MSRB3: variants seen among roughly 807,000 people sequenced by gnomAD.
MSRB3 encodes the protein methionine sulfoxide reductase B3.
A neutral mutation model predicts 21.0 loss-of-function variants in MSRB3; 13 were observed. That is an observed-to-expected ratio of 0.62 (90% confidence interval 0.40 to 0.98). The LOEUF (loss-of-function observed/expected upper bound fraction) is 0.98, where lower values mean the gene tolerates loss of function less well. Among genes scored for constraint, MSRB3 ranks in the 50% least tolerant of loss-of-function variants. The probability of loss-of-function intolerance (pLI) is 0.00; values close to 1 mark genes in which losing one functional copy is unlikely to be tolerated. For missense variants in MSRB3, 199 were observed against 230.3 expected, an observed-to-expected ratio of 0.86 and a Z score of 0.88; for synonymous variants, 87 against 88.6, an observed-to-expected ratio of 0.98 and a Z score of 0.10.
At chr12:65,451,733 T>C (rs949072953) in intron 5 of MSRB3, among the ~76,000 whole-genome samples, 2 of 152,214 alleles carry the variant, frequency 1.3e-5, no homozygotes, top group Non-Finnish European at 2.9e-5. Flanking sequence ...GAAACTAGCA[T>C]TGATATTTCC....
chr12:65,408,752 C>G (rs781448778), intron 5 of MSRB3, among the ~76,000 whole-genome samples: 27 of 152,102 alleles, frequency 1.8e-4, no homozygotes, highest in Non-Finnish European at 3.2e-4. Flanking sequence ...TTGGTTATTT[C>G]CCTTCCCCAA....
At chr12:65,389,340 A>T (rs1879351501) in intron 5 of MSRB3, among the ~76,000 whole-genome samples, 1 of 151,774 alleles carries the variant, frequency 6.6e-6, no homozygotes, top group African/African-American at 2.4e-5. Context: ...TTTTTAATTG[A>T]GACTTGTTTC....
intron 5 of MSRB3, among the ~76,000 whole-genome samples, chr12:65,428,943 G>T (rs900162764): frequency 6.6e-6 from 1 of 152,062 alleles, no homozygotes; most frequent in African/African-American, 2.4e-5. Context: ...TATGCCCCTT[G>T]TAAAACAGCT....
At chr12:65,397,936 A>G (rs1879903350) in intron 5 of MSRB3, among the ~76,000 whole-genome samples, 1 of 152,040 alleles carries the variant, frequency 6.6e-6, no homozygotes, top group South Asian at 2.1e-4. Flanking sequence ...AAAGACATAA[A>G]CTCATCCTTT....
chr12:65,461,008 A>G (rs1021343154), intron 6 of MSRB3, among the ~76,000 whole-genome samples: 1 of 152,204 alleles, frequency 6.6e-6, no homozygotes, highest in East Asian at 1.9e-4. Flanking sequence ...AAAGATGCTC[A>G]AGAGATTATT....
chr12:65,283,053 G>A (rs1001602153), intron 1 of MSRB3, among the ~76,000 whole-genome samples: 1 of 152,120 alleles, frequency 6.6e-6, no homozygotes, highest in African/African-American at 2.4e-5. Flanking sequence ...ACCTCCAGTG[G>A]CTCTTTAGGA....
chr12:65,285,583 C>G (rs1872291381), intron 1 of MSRB3: 1 of 152,282 alleles, frequency 6.6e-6, no homozygotes, highest in Non-Finnish European at 1.5e-5. Flanking sequence ...ACCCGTAATC[C>G]CAGCACTTTG....
intron 1 of MSRB3, chr12:65,286,413 A>G (rs1165493353): frequency 6.6e-6 from 1 of 152,214 alleles, no homozygotes; most frequent in South Asian, 2.1e-4. Context: ...AAATAGTCTC[A>G]TGGATTAGAA....
intron 5 of MSRB3, among the ~76,000 whole-genome samples, chr12:65,423,933 G>A (rs1481731032): frequency 2.0e-5 from 3 of 152,080 alleles, no homozygotes; most frequent in African/African-American, 7.2e-5. Flanking sequence ...TTAAAAGGTT[G>A]GTAGAATTCA....
chr12:65,346,138 T>A (rs1164443558), intron 4 of MSRB3, among the ~76,000 whole-genome samples: 2 of 152,128 alleles, frequency 1.3e-5, no homozygotes, highest in East Asian at 1.9e-4. Flanking sequence ...TTTCTAGTTC[T>A]AGATCCCTGA....
At chr12:65,443,619 A>T (rs1366890911) in intron 5 of MSRB3, among the ~76,000 whole-genome samples, 1 of 152,032 alleles carries the variant, frequency 6.6e-6, no homozygotes, top group Non-Finnish European at 1.5e-5. Context: ...GAGCTCACTG[A>T]TTCAGTTCCC....
chr12:65,284,904 C>T (rs571613545), intron 1 of MSRB3: 121 of 152,282 alleles, frequency 7.9e-4, no homozygotes, highest in African/African-American at 2.8e-3. Flanking sequence ...CCCCTCTTTC[C>T]TGCTTAACCC....
intron 4 of MSRB3, among the ~76,000 whole-genome samples, chr12:65,330,146 C>A (rs1226593738): frequency 6.6e-6 from 1 of 152,184 alleles, no homozygotes; most frequent in Non-Finnish European, 1.5e-5. Flanking sequence ...CCATGTGATT[C>A]ACTAAAGTAT....
intron 5 of MSRB3, among the ~76,000 whole-genome samples, chr12:65,391,888 A>G (rs1879502717): frequency 6.6e-6 from 1 of 152,212 alleles, no homozygotes; most frequent in Admixed American, 6.5e-5. Context: ...AGAGTGTCCC[A>G]GGAATCCACA....
chr12:65,329,331 A>C (rs1484707735), intron 4 of MSRB3, among the ~76,000 whole-genome samples: 1 of 152,202 alleles, frequency 6.6e-6, no homozygotes. Context: ...TTGGGGGAAT[A>C]AAAAGGCAGA....
At chr12:65,412,385 ATGCCTGTTGTGGACT>A (rs1880761428) in intron 5 of MSRB3, among the ~76,000 whole-genome samples, 1 of 152,176 alleles carries the variant, frequency 6.6e-6, no homozygotes, top group Non-Finnish European at 1.5e-5. Flanking sequence ...GTCCTGCCAC[ATGCCTGTTGTGGACT>A]TTCAAATTGT....
At chr12:65,352,512 A>G (rs1391911501) in intron 4 of MSRB3, among the ~76,000 whole-genome samples, 19 of 151,734 alleles carry the variant, frequency 1.3e-4, no homozygotes, top group Non-Finnish European at 2.5e-4. Context: ...TAGGAAAAGA[A>G]GAAGTCAAAT....
At chr12:65,322,791 C>G (rs1352360920) in intron 2 of MSRB3, among the ~76,000 whole-genome samples, 1 of 152,018 alleles carries the variant, frequency 6.6e-6, no homozygotes. Context: ...TATAACCTCT[C>G]CACGCCTCAG....
At chr12:65,307,175 T>G (rs1292937055) in intron 1 of MSRB3, 1 of 344,144 alleles carries the variant, frequency 2.9e-6, no homozygotes, top group African/African-American at 2.2e-5. Flanking sequence ...TTTTCCCTGC[T>G]CTGCAGTCAC....
Sources: allele counts gnomAD v4.1 joint callset (sites outside exome capture counted in the v4.1 genomes callset), GRCh38; gene constraint gnomAD v4.1.1; transcripts MANE v1.5; gene names NCBI Gene and HGNC (gene_info 2026-07-23, HGNC 2026-07-21).